Variants in KANK4 observed in about 807,000 individuals in gnomAD.
The protein encoded by KANK4 is KN motif and ankyrin repeat domains 4.
In KANK4, 50 loss-of-function variants were observed where a neutral mutation model predicts 80.8. The ratio of observed to expected loss-of-function variants is 0.62; its 90% CI spans 0.49 to 0.78. The LOEUF is 0.78. KANK4 is among the 30% of genes least tolerant of loss of function. KANK4 has a pLI of 0.00. For missense variants in KANK4, 1,196 were observed against 1,240.1 expected, an observed-to-expected ratio of 0.96 and a Z score of 0.53; for synonymous variants, 465 against 506.9, an observed-to-expected ratio of 0.92 and a Z score of 1.11.
chr1:62,304,286 T>G (rs923686615), intron 1 of KANK4, among the ~76,000 whole-genome samples: 3 of 152,026 alleles, frequency 2.0e-5, no homozygotes, highest in Non-Finnish European at 4.4e-5. Flanking sequence ...ACAGAACTGA[T>G]AAGTTTTGAT....
intron 3 of KANK4, among the ~76,000 whole-genome samples, chr1:62,272,955 T>C (rs865868925): frequency 5.9e-5 from 9 of 151,980 alleles, no homozygotes; most frequent in South Asian, 2.1e-4. Context: ...CATGCCCGGC[T>C]AATTTTTGTA....
At chr1:62,268,217 G>A in intron 5 of KANK4, 70 bp downstream of exon 5, 1 of 1,204,910 alleles carries the variant, frequency 8.3e-7, no homozygotes, top group Non-Finnish European at 1.2e-6. Flanking sequence ...ATGATCGCAT[G>A]AACGGGTAGA....
chr1:62,307,367 A>C (rs1364780606), intron 1 of KANK4, among the ~76,000 whole-genome samples: 2 of 151,508 alleles, frequency 1.3e-5, no homozygotes, highest in Non-Finnish European at 2.9e-5. Context: ...CTGCAGTCCC[A>C]GCTACTTGGG....
chr1:62,245,774 C>G (rs1394824930), intron 9 of KANK4, among the ~76,000 whole-genome samples: 1 of 152,088 alleles, frequency 6.6e-6, no homozygotes, highest in Non-Finnish European at 1.5e-5. Context: ...CAGGAGCACT[C>G]TAGAAATATT....
intron 7 of KANK4, among the ~76,000 whole-genome samples, 200 bp from the exon 8 acceptor site, chr1:62,253,409 C>CTTTTTTTTTTTTTT: frequency 9.0e-6 from 1 of 110,980 alleles, no homozygotes; most frequent in East Asian, 2.8e-4. Context: ...TTCTTTCTTT[C>CTTTTTTTTTTTTTT]TTTTTTTTTT....
intron 6 of KANK4, among the ~76,000 whole-genome samples, chr1:62,263,644 C>T (rs1461532553): frequency 6.6e-6 from 1 of 152,180 alleles, no homozygotes; most frequent in Non-Finnish European, 1.5e-5. Flanking sequence ...GGTATGCGCA[C>T]AATTACAAAG....
chr1:62,247,304 CTTT>C (rs371644915), intron 9 of KANK4, among the ~76,000 whole-genome samples, 165 bp downstream of exon 9: 4 of 136,390 alleles, frequency 2.9e-5, no homozygotes, highest in Admixed American at 7.8e-5. Flanking sequence ...TAAACAGCTA[CTTT>C]TTTTTTTTTT....
intron 1 of KANK4, among the ~76,000 whole-genome samples, chr1:62,315,453 G>A (rs1644531175): frequency 6.6e-6 from 1 of 152,142 alleles, no homozygotes; most frequent in South Asian, 2.1e-4. Context: ...GGATAAGGGT[G>A]AGGCTTGACT....
intron 7 of KANK4, among the ~76,000 whole-genome samples, chr1:62,254,816 C>T (rs1194102527): frequency 6.6e-6 from 1 of 150,784 alleles, no homozygotes; most frequent in African/African-American, 2.4e-5. Flanking sequence ...AATCTGCCCA[C>T]CTCGGCCTCC....
chr1:62,270,137 C>T (rs990367737), intron 4 of KANK4, among the ~76,000 whole-genome samples: 6 of 152,150 alleles, frequency 3.9e-5, no homozygotes, highest in Non-Finnish European at 5.9e-5. Context: ...AGGGAAGGAA[C>T]GGCAGTGGCA....
chr1:62,297,845 T>TAGC (rs750027343), intron 1 of KANK4, among the ~76,000 whole-genome samples: 2 of 152,252 alleles, frequency 1.3e-5, no homozygotes, highest in Non-Finnish European at 2.9e-5. Context: ...TTTAACCAGA[T>TAGC]AGCAGCAGTT....
At chr1:62,279,293 C>T (rs536875552) in intron 2 of KANK4, among the ~76,000 whole-genome samples, 75 of 152,214 alleles carry the variant, frequency 4.9e-4, no homozygotes, top group South Asian at 1.5e-3. Flanking sequence ...TGCATTCCTT[C>T]TCTTTCTCCC....
intron 4 of KANK4, 46 bp downstream of exon 4, chr1:62,271,432 G>T: frequency 8.1e-7 from 1 of 1,237,286 alleles, no homozygotes; most frequent in South Asian, 1.2e-5. Flanking sequence ...ACAATAGCAG[G>T]AGAGGTAGCA....
At chr1:62,298,215 G>C (rs1428611082) in intron 1 of KANK4, 1 of 152,274 alleles carries the variant, frequency 6.6e-6, no homozygotes, top group African/African-American at 2.4e-5. Context: ...GATCGTCTCT[G>C]TATCATTCCA....
rs948479037 is a variant in KANK4 at position 62,237,184 on chromosome 1, A to T, written c.*1093T>A. 2 of 149,184 alleles carry T rather than the reference A, an allele frequency of 1.3e-5. No homozygotes were observed. Among genetic ancestry groups the T allele is most frequent in the African/African-American group, 5.0e-5 (2 of 40,216 alleles). 9.2% of individuals were successfully genotyped at this position (149,184 alleles called of 1,614,324 possible). ...TTTTAAGAGAGCAGATTTAAGAAAGATTCAGATGACTTCACGTGAGCTACT... is the reference window on the plus strand; with the variant it reads ...TTTTAAGAGAGCAGATTTAAGAAAGTTTCAGATGACTTCACGTGAGCTACT... On this transcript the variant is annotated 3_prime_UTR_variant, in exon 10 of 10. Coordinates refer to ENST00000371153, the MANE Select transcript of KANK4 (RefSeq NM_181712.5).
At chr1:62,260,834 G>A (rs538830861) in intron 7 of KANK4, among the ~76,000 whole-genome samples, 3 of 152,146 alleles carry the variant, frequency 2.0e-5, no homozygotes, top group East Asian at 1.9e-4. Flanking sequence ...CTCCACTGAC[G>A]TGCTCTCTCT....
At chr1:62,243,088 G>A (rs756468357) in intron 9 of KANK4, among the ~76,000 whole-genome samples, 4 of 152,096 alleles carry the variant, frequency 2.6e-5, no homozygotes, top group East Asian at 1.9e-4. Context: ...CCACTGTGCC[G>A]GCTGGGCTTT....
intron 9 of KANK4, among the ~76,000 whole-genome samples, chr1:62,243,636 G>C (rs1396332329): frequency 6.6e-6 from 1 of 152,188 alleles, no homozygotes; most frequent in African/African-American, 2.4e-5. Flanking sequence ...ACTGGGCCTG[G>C]ATGGATAATT....
At position 62,274,574 on chromosome 1, in the gene KANK4, T is replaced by C; in HGVS notation, c.530A>G (p.Glu177Gly). 1 of 1,614,032 alleles carries C rather than the reference T, an allele frequency of 6.2e-7. No homozygotes were observed. The highest frequency in any genetic ancestry group is 1.1e-5 in the South Asian group (1 of 91,070). ...ATLLHSRASE[E>G]PGLSLGPPAP... is the part of the protein sequence containing the mutation. ...AGGGGGCCCCAGGCTCAGGCCTGGC[T>C]CCTCAGAAGCCCTGCTGTGCAGCAG... is the stretch of plus-strand genomic sequence containing the variant. The change falls in exon 3 of 10, where the codon GAG becomes GGG. Residue 177 changes from glutamate to glycine, a missense_variant. By Grantham distance (98) the Glu-to-Gly change is moderately conservative. This residue lies in a region of KANK4 where 1,154 missense variants were observed against 1,179.6 expected (regional missense o/e 0.98). Transcript: ENST00000371153.
Sources: allele counts gnomAD v4.1 joint callset (sites outside exome capture counted in the v4.1 genomes callset), GRCh38; gene constraint gnomAD v4.1.1; regional missense constraint gnomAD v4.1.1; transcripts MANE v1.5; gene names NCBI Gene and HGNC (gene_info 2026-07-23, HGNC 2026-07-21).